Variants in ZNF292 observed in about 807,000 individuals in gnomAD.
ZNF292 encodes 16 zinc-finger domain protein.
In ZNF292, 26 loss-of-function variants were observed where a neutral mutation model predicts 217.9. That is an observed-to-expected ratio of 0.12 (90% CI 0.09 to 0.17). The LOEUF is 0.17. Among genes scored for constraint, ZNF292 ranks in the 10% least tolerant of loss-of-function variants. The pLI is 1.00. For synonymous variants in ZNF292, 1,257 were observed against 1,124.1 expected (o/e 1.12, Z -2.37); for missense variants, 2,904 against 3,175.2 (o/e 0.91, Z 2.05).
At chr6:87,186,160 A>G (rs1347175286) in intron 1 of ZNF292, among the ~76,000 whole-genome samples, 1 of 152,192 alleles carries the variant, frequency 6.6e-6, no homozygotes, top group Non-Finnish European at 1.5e-5. Context: ...CAAGTTACCT[A>G]TGGGCTGCCA....
chr6:87,217,740 T>G (rs1772861892), intron 3 of ZNF292, among the ~76,000 whole-genome samples: 1 of 152,100 alleles, frequency 6.6e-6, no homozygotes, highest in African/African-American at 2.4e-5. Flanking sequence ...ACCTGAACTT[T>G]GTTGGAATGG....
intron 5 of ZNF292, among the ~76,000 whole-genome samples, chr6:87,241,217 G>A (rs2127836652): frequency 6.6e-6 from 1 of 152,224 alleles, no homozygotes; most frequent in African/African-American, 2.4e-5. Flanking sequence ...CTGGGAGGCG[G>A]AGGTTGCAGT....
At chr6:87,206,198 C>G (rs1460386986) in intron 1 of ZNF292, among the ~76,000 whole-genome samples, 1 of 152,124 alleles carries the variant, frequency 6.6e-6, no homozygotes, top group Non-Finnish European at 1.5e-5. Flanking sequence ...ACTTCTGCCC[C>G]ATTCTCTTGG....
intron 5 of ZNF292, 65 bp from the exon 6 acceptor site, chr6:87,243,410 G>T (rs1774412796): frequency 7.6e-7 from 1 of 1,312,430 alleles, no homozygotes; most frequent in Non-Finnish European, 1.0e-6. Flanking sequence ...AAAACTAAAG[G>T]TATATTGCTC....
chr6:87,216,236 GT>G (rs1772766708), intron 2 of ZNF292, 62 bp from the exon 3 acceptor site: 9 of 1,444,626 alleles, frequency 6.2e-6, no homozygotes, highest in Non-Finnish European at 8.5e-6. Context: ...AGAATTACTG[GT>G]TTTATAATTT....
At position 87,261,988 on chromosome 6, in the gene ZNF292, T is replaced by C. The variant is rs1775630538; in HGVS notation, c.*187T>C. ...AAACTTTTTTTTATCCCTATGGGAC[T>C]TGAGGAACAGAATCAGTACTTCAGT... On this transcript the variant is annotated 3_prime_UTR_variant, in exon 8 of 8. Coordinates refer to ENST00000369577, the MANE Select transcript of ZNF292 (RefSeq NM_015021.3). 1 of 420,216 alleles carries C rather than the reference T, an allele frequency of 2.4e-6. No homozygotes were observed. The highest frequency in any genetic ancestry group is 3.7e-5 in the East Asian group (1 of 26,740). The allele number at this position is 420,216 out of a possible 1,614,324, so 26.0% of individuals were successfully genotyped here. A position where few individuals can be genotyped will look rare whatever the true frequency, so the allele number is the denominator to read the frequency against.
intron 4 of ZNF292, among the ~76,000 whole-genome samples, chr6:87,220,799 A>G (rs919288300): frequency 9.2e-5 from 14 of 152,150 alleles, no homozygotes; most frequent in Non-Finnish European, 1.8e-4. Context: ...TGTCATAGCC[A>G]CTGGAATAAT....
At chr6:87,194,463 C>A (rs1771902154) in intron 1 of ZNF292, among the ~76,000 whole-genome samples, 1 of 152,078 alleles carries the variant, frequency 6.6e-6, no homozygotes, top group African/African-American at 2.4e-5. Flanking sequence ...ACTTGCACAT[C>A]TGACCAAGTG....
chr6:87,175,322 A>G (rs549438374), intron 1 of ZNF292, among the ~76,000 whole-genome samples: 2 of 151,902 alleles, frequency 1.3e-5, no homozygotes, highest in Non-Finnish European at 2.9e-5. Context: ...TTTGGATTCA[A>G]CTCTTCAACC....
chr6:87,265,121 G>GT lies in ZNF292; in HGVS notation c.*3328dup, dbSNP rs1452156735. 6.8e-4 allele frequency among the ~76,000 whole-genome samples: 102 copies of GT among 149,402 alleles called. No individual in the cohort carries two copies. The highest frequency in any genetic ancestry group is 2.9e-3 in the Admixed American group (43 of 15,038). On this transcript the variant is annotated 3_prime_UTR_variant, in exon 8 of 8. Transcript: ENST00000369577. ...TCTCTCTCTCTCTTTTTTTTTCTTTGTTTTTTTTGGAGACAGAGTCTCGCT... is the reference window on the plus strand; with the variant it reads ...TCTCTCTCTCTCTTTTTTTTTCTTTGTTTTTTTTTGGAGACAGAGTCTCGCT...
rs2127870317 is a variant in ZNF292 at position 87,259,364 on chromosome 6, G to A, written c.5735G>A (p.Ser1912Asn). The change falls in exon 8 of 8, where the codon AGT becomes AAT. Residue 1912 changes from serine to asparagine, a missense_variant. Ser to Asn is a conservative substitution (Grantham distance 46). Around this residue, in one of 15 missense-constraint regions of ZNF292, gnomAD observed 50 missense variants for 90.5 expected, o/e 0.55. Transcript: ENST00000369577. Reference protein sequence around the residue: ...FVCQNQGCNYSAMTKDALFKH... With the variant: ...FVCQNQGCNYNAMTKDALFKH... The stretch of plus-strand genomic sequence containing the variant: ...TGTCAAAACCAAGGCTGTAACTACA[G>A]TGCTATGACAAAGGATGCACTATTT... 6.2e-7 allele frequency: 1 copy of A among 1,613,034 alleles called. No individual in the cohort carries two copies. Among genetic ancestry groups the A allele is most frequent in the Middle Eastern group, 1.6e-4 (1 of 6,062 alleles).
chr6:87,199,232 T>A (rs1772040445), intron 1 of ZNF292, among the ~76,000 whole-genome samples: 1 of 152,240 alleles, frequency 6.6e-6, no homozygotes, highest in South Asian at 2.1e-4. Flanking sequence ...AATTCGTATT[T>A]CCCTAATGGC....
intron 5 of ZNF292, among the ~76,000 whole-genome samples, chr6:87,234,256 A>G (rs189844368): frequency 4.9e-4 from 75 of 152,288 alleles, no homozygotes; most frequent in Non-Finnish European, 4.9e-4. Flanking sequence ...TAAAGAATTT[A>G]GATAAAACTA....
In ZNF292 at chr6:87,167,820, C is replaced by A. The variant is rs1770967182; in HGVS notation, c.168+12061C>A. On this transcript the variant is annotated intron_variant, in intron 1 of 7. Coordinates refer to ENST00000369577, the MANE Select transcript of ZNF292 (RefSeq NM_015021.3). ...TTTGAACTAAGATTGTGTAGGAATT[C>A]TTCGCTGATTCAGAAAATGCCACCT... Among the ~76,000 whole-genome samples the A allele has an allele frequency of 2.0e-5, 3 of 152,234 alleles. No individual in the cohort carries two copies. The South Asian group carries it at 6.2e-4, about 32-fold the overall frequency.
intron 1 of ZNF292, chr6:87,214,910 C>G (rs1772667379): frequency 6.6e-6 from 1 of 151,942 alleles, no homozygotes; most frequent in Non-Finnish European, 1.5e-5. Context: ...CACCCCTTCC[C>G]TCCCTCCAGT....
chr6:87,161,922 A>T (rs931191476), intron 1 of ZNF292, among the ~76,000 whole-genome samples: 7 of 152,154 alleles, frequency 4.6e-5, no homozygotes, highest in Non-Finnish European at 7.4e-5. Context: ...AATAAAGATA[A>T]CTACACTGTA....
At chr6:87,211,237 G>A (rs1772469953) in intron 1 of ZNF292, among the ~76,000 whole-genome samples, 1 of 152,118 alleles carries the variant, frequency 6.6e-6, no homozygotes, top group Admixed American at 6.5e-5. Context: ...TAATGGTTTG[G>A]TAGTTCTGTC....
chr6:87,202,793 A>G (rs1488587569), intron 1 of ZNF292, among the ~76,000 whole-genome samples: 1 of 151,970 alleles, frequency 6.6e-6, no homozygotes, highest in East Asian at 1.9e-4. Context: ...ACCCTGGTAC[A>G]AAAGTATTAC....
intron 3 of ZNF292, among the ~76,000 whole-genome samples, chr6:87,216,827 A>G (rs190017435): frequency 7.0e-4 from 106 of 152,188 alleles, no homozygotes; most frequent in African/African-American, 2.5e-3. Context: ...TTGTCTAGCT[A>G]AGATCACATA....
Sources: gnomAD v4.1 joint callset for allele counts (sites outside exome capture counted in the v4.1 genomes callset) on GRCh38, gnomAD v4.1.1 for gene constraint, gnomAD v4.1.1 regional missense constraint, MANE v1.5 for transcripts, NCBI Gene and HGNC (gene_info 2026-07-23, HGNC 2026-07-21) for gene names.